FAM135B: variants seen among roughly 807,000 people sequenced by gnomAD.
FAM135B encodes the protein protein FAM135B.
FAM135B carries 43 observed loss-of-function variants against 127.7 expected under a neutral mutation model. That is an observed-to-expected ratio of 0.34 (90% CI 0.26 to 0.43). The LOEUF is 0.43. Ranked by LOEUF, FAM135B falls within the 20% of genes least tolerant of loss-of-function variation. The pLI is 1.00. For missense variants in FAM135B, 1,558 were observed against 1,725.6 expected (o/e 0.90, Z 1.72); for synonymous variants, 670 against 665.1 (o/e 1.01, Z -0.11).
intron 1 of FAM135B, among the ~76,000 whole-genome samples, chr8:138,494,367 G>C (rs1405012400): frequency 6.6e-6 from 1 of 152,222 alleles, no homozygotes; most frequent in African/African-American, 2.4e-5. Context: ...CAGATAGGGA[G>C]AGGCACCTAT....
At position 138,242,420 on chromosome 8, in the gene FAM135B, A is replaced by G. The variant is rs905719271; in HGVS notation, c.669+522T>C. ...AGGATAAAAGAACAAGGGGAAGGAC[A>G]GGATATGCATATTTAGTTAGCAGCT... On this transcript the variant is annotated intron_variant, in intron 7 of 19. Coordinates refer to ENST00000395297, the MANE Select transcript of FAM135B (RefSeq NM_015912.4). The surrounding 1 kb of genome is among the most constrained non-coding windows in gnomAD (Gnocchi z 9.6). 5.3e-5 allele frequency among the ~76,000 whole-genome samples: 8 copies of G among 152,156 alleles called. No homozygotes were observed. Among genetic ancestry groups the G allele is most frequent in the South Asian group, 2.1e-4 (1 of 4,820 alleles).
chr8:138,262,887 G>A (rs1822640275), intron 4 of FAM135B, among the ~76,000 whole-genome samples: 1 of 136,714 alleles, frequency 7.3e-6, no homozygotes, highest in South Asian at 2.6e-4. Context: ...GAGCGACAGT[G>A]GGAGACTCTG....
At position 138,151,315 on chromosome 8, in the gene FAM135B, T is replaced by C; in HGVS notation, c.3160A>G (p.Arg1054Gly). 1.2e-6 allele frequency: 2 copies of C among 1,614,050 alleles called. No homozygotes were observed. The highest frequency in any genetic ancestry group is 1.7e-6 in the Non-Finnish European group (2 of 1,180,016). ...GTCTGTTTGGAAGAGAATCCAGCCC[T>C]GGCAGGGGTCTCCTTGGGCACAGAT... is the stretch of plus-strand genomic sequence containing the variant. ...FSSVPKETPARAGFSSKQTLF... is the reference protein window; with the variant it reads ...FSSVPKETPAGAGFSSKQTLF... The change falls in exon 13 of 20, where the codon AGG (arginine) becomes GGG (glycine). Residue 1054 changes from arginine (R) to glycine (G), a missense_variant. Physicochemically the swap from Arg to Gly is moderately radical, Grantham distance 125 (BLOSUM62 -2). Transcript: ENST00000395297.
At chr8:138,449,654 A>C (rs1836385765) in intron 1 of FAM135B, among the ~76,000 whole-genome samples, 1 of 152,004 alleles carries the variant, frequency 6.6e-6, no homozygotes, top group South Asian at 2.1e-4. Flanking sequence ...TTTTTCTAAG[A>C]CTTTATGTTT....
intron 3 of FAM135B, among the ~76,000 whole-genome samples, chr8:138,269,010 C>A (rs1455998308): frequency 6.6e-6 from 1 of 152,014 alleles, no homozygotes; most frequent in African/African-American, 2.4e-5. Context: ...AGGAGGGGAG[C>A]AGAGAAAAGA....
At chr8:138,487,459 C>T (rs1815024676) in intron 1 of FAM135B, among the ~76,000 whole-genome samples, 1 of 151,974 alleles carries the variant, frequency 6.6e-6, no homozygotes, top group Non-Finnish European at 1.5e-5. Context: ...TTGCTTTTAT[C>T]TCTGGATTAA....
chr8:138,311,657 C>A (rs1027257838), intron 2 of FAM135B, among the ~76,000 whole-genome samples: 2 of 152,110 alleles, frequency 1.3e-5, no homozygotes, highest in African/African-American at 4.8e-5. Context: ...TGTGAATAAA[C>A]CAAAGTGAAA....
chr8:138,308,599 C>T (rs1018811794), intron 3 of FAM135B, among the ~76,000 whole-genome samples: 7 of 151,280 alleles, frequency 4.6e-5, no homozygotes, highest in Admixed American at 6.6e-5. Flanking sequence ...CATAATTATT[C>T]TTCTGTTAAA....
chr8:138,142,466 G>A (rs1317034670), intron 16 of FAM135B, among the ~76,000 whole-genome samples: 1 of 151,724 alleles, frequency 6.6e-6, no homozygotes, highest in Non-Finnish European at 1.5e-5. Flanking sequence ...ACCACTCCCA[G>A]CTAATATTTT....
intron 13 of FAM135B, among the ~76,000 whole-genome samples, chr8:138,149,480 T>A (rs1817945205): frequency 6.6e-6 from 1 of 152,192 alleles, no homozygotes; most frequent in African/African-American, 2.4e-5. Flanking sequence ...CATGCCTTGG[T>A]GCCTGAGGGC....
intron 10 of FAM135B, 110 bp from the exon 11 acceptor site, chr8:138,177,530 G>T: frequency 1.0e-6 from 1 of 958,910 alleles, no homozygotes. Flanking sequence ...CTAATAGGAA[G>T]AGAGCCAGGC....
At chr8:138,371,720 T>A (rs190570117) in intron 1 of FAM135B, among the ~76,000 whole-genome samples, 1 of 152,130 alleles carries the variant, frequency 6.6e-6, no homozygotes, top group Non-Finnish European at 1.5e-5. Context: ...CATGAGCATG[T>A]ACCATACACA....
Position 138,194,098 on chromosome 8 carries a change from C to T in FAM135B, c.873+1160G>A, listed in dbSNP as rs3892772. Among the ~76,000 whole-genome samples the T allele has an allele frequency of 5.3e-4, 81 of 152,308 alleles. 1 individual carries two copies. Among genetic ancestry groups the T allele is most frequent in the Non-Finnish European group, 1.0e-3 (70 of 68,022 alleles). ...AAGTGTGGACATTAGGCCTTTGACT[C>T]GTCTCAGTGGCCTTTACACACTCTC... is the stretch of plus-strand genomic sequence containing the variant. On this transcript the variant is annotated intron_variant, in intron 9 of 19. Transcript: ENST00000395297.
rs7000597 is a variant in FAM135B at position 138,438,280 on chromosome 8, G to A, written c.-20+58391C>T. On this transcript the variant is annotated intron_variant, in intron 1 of 19. Transcript: ENST00000395297. ...CACCTCTTATCTAAGAGAAGGTGCC[G>A]GGTGGCTATTGAAGAGCCATGTCTC... The A allele has an allele frequency of 4.0e-3, 609 of 152,158 alleles. 5 individuals carry two copies. Among genetic ancestry groups the A allele is most frequent in the African/African-American group, 0.014 (596 of 41,504 alleles). 9.4% of individuals were successfully genotyped at this position (152,158 alleles called of 1,614,324 possible). A position where few individuals can be genotyped will look rare whatever the true frequency, so the allele number is the denominator to read the frequency against.
intron 1 of FAM135B, among the ~76,000 whole-genome samples, chr8:138,405,414 C>G (rs572471642): frequency 6.9e-6 from 1 of 145,084 alleles, no homozygotes; most frequent in African/African-American, 2.5e-5. Flanking sequence ...CTTCCTGTGT[C>G]CATGTGTTCT....
Position 138,243,547 on chromosome 8 carries a change from G to A in FAM135B, c.543-479C>T, listed in dbSNP as rs1342419288. 1.3e-5 allele frequency among the ~76,000 whole-genome samples: 2 copies of A among 152,202 alleles called. No homozygotes were observed. The highest frequency in any genetic ancestry group is 1.3e-4 in the Admixed American group (2 of 15,278). On this transcript the variant is annotated intron_variant, in intron 6 of 19. Coordinates refer to ENST00000395297, the MANE Select transcript of FAM135B (RefSeq NM_015912.4). The surrounding 1 kb of genome is among the most constrained non-coding windows in gnomAD (Gnocchi z 7.5). ...GATCCGCATGAGAGTCTAATACGAT[G>A]TCAAAGACTGTCATAAGCCAGAAAG...
chr8:138,220,320 C>G (rs969438214), intron 7 of FAM135B, among the ~76,000 whole-genome samples: 2 of 152,158 alleles, frequency 1.3e-5, no homozygotes, highest in Non-Finnish European at 2.9e-5. Flanking sequence ...AAATGTCACT[C>G]TAATCAGCAG....
At chr8:138,164,360 G>A (rs1819697428) in intron 12 of FAM135B, among the ~76,000 whole-genome samples, 1 of 152,196 alleles carries the variant, frequency 6.6e-6, no homozygotes, top group Non-Finnish European at 1.5e-5. Flanking sequence ...CTTCCAGGAA[G>A]ATGAGTGCAC....
At chr8:138,155,395 C>G (rs1818630469) in intron 12 of FAM135B, among the ~76,000 whole-genome samples, 1 of 152,140 alleles carries the variant, frequency 6.6e-6, no homozygotes, top group Admixed American at 6.5e-5. Flanking sequence ...AACTAACGAG[C>G]AAAATAACCA....
Sources: gnomAD v4.1 joint callset for allele counts (sites outside exome capture counted in the v4.1 genomes callset) on GRCh38, gnomAD v4.1.1 for gene constraint, Gnocchi (gnomAD v3.1) non-coding constraint, MANE v1.5 for transcripts, NCBI Gene and HGNC (gene_info 2026-07-23, HGNC 2026-07-21) for gene names.